SLC27A2: variants seen among roughly 807,000 people sequenced by gnomAD.
The protein encoded by SLC27A2 is long-chain fatty acid transport protein 2.
A neutral mutation model predicts 60.0 loss-of-function variants in SLC27A2; 54 were observed. The ratio of observed to expected loss-of-function variants is 0.90; its 90% CI spans 0.72 to 1.13. The LOEUF (loss-of-function observed/expected upper bound fraction) is 1.13, where lower values mean the gene tolerates loss of function less well. Ranked by LOEUF, SLC27A2 falls within the 50% of genes most tolerant of loss-of-function variation. SLC27A2 has a pLI of 0.00. For missense variants in SLC27A2, 739 were observed against 777.6 expected, an observed-to-expected ratio of 0.95 and a Z score of 0.59; for synonymous variants, 297 against 297.6, an observed-to-expected ratio of 1.00 and a Z score of 0.02.
chr15:50,210,061 G>A (rs2045142804), intron 4 of SLC27A2, among the ~76,000 whole-genome samples: 1 of 152,156 alleles, frequency 6.6e-6, no homozygotes, highest in Non-Finnish European at 1.5e-5. Context: ...GCTGAAGGTG[G>A]GATGAAGTGT....
Position 50,236,199 on chromosome 15 carries a change from G to T in SLC27A2, c.*103G>T, listed in dbSNP as rs1186070478. 17 of 1,088,932 alleles carry T rather than the reference G, an allele frequency of 1.6e-5. No individual in the cohort carries two copies. Among genetic ancestry groups the T allele is most frequent in the Non-Finnish European group, 2.1e-5 (16 of 779,648 alleles). 67.5% of individuals were successfully genotyped at this position (1,088,932 alleles called of 1,614,324 possible). On this transcript the variant is annotated 3_prime_UTR_variant, in exon 10 of 10. Transcript: ENST00000267842. ...TGATTGAAGATTGTGAGGAAATTTT[G>T]TAGGAAATTTGCATACCCGTAAAGG...
chr15:50,235,803 C>A, intron 9 of SLC27A2, 117 bp from the exon 10 acceptor site: 1 of 667,628 alleles, frequency 1.5e-6, no homozygotes, highest in Non-Finnish European at 2.5e-6. Flanking sequence ...CCAGCTCTCA[C>A]ATGAGCCAGG....
intron 4 of SLC27A2, among the ~76,000 whole-genome samples, chr15:50,216,799 T>G (rs2045200824): frequency 7.0e-6 from 1 of 143,622 alleles, no homozygotes; most frequent in South Asian, 2.2e-4. Flanking sequence ...TAAATATATA[T>G]CCACAAAATA....
At chr15:50,213,247 A>G (rs1346409444) in intron 4 of SLC27A2, among the ~76,000 whole-genome samples, 1 of 152,228 alleles carries the variant, frequency 6.6e-6, no homozygotes, top group African/African-American at 2.4e-5. Flanking sequence ...GTCCAGCAGG[A>G]AAATATCACA....
chr15:50,182,613 A>G lies in SLC27A2; in HGVS notation c.186A>G (p.Lys62=). ...ARTILRAFLE[K]ARQTPHKPFL... is the part of the protein sequence containing the mutation. ...CCATCCTGCGGGCGTTCCTGGAGAAAGCGCGCCAGACGCCACACAAGCCTT... is the reference window on the plus strand; with the variant it reads ...CCATCCTGCGGGCGTTCCTGGAGAAGGCGCGCCAGACGCCACACAAGCCTT... Residue 62 remains lysine (K), a synonymous_variant, in exon 1 of 10, where the codon AAA becomes AAG. Coordinates refer to ENST00000267842, the MANE Select transcript of SLC27A2 (RefSeq NM_003645.4). 1 of 1,613,814 alleles carries G rather than the reference A, an allele frequency of 6.2e-7. No individual in the cohort carries two copies. Among genetic ancestry groups the G allele is most frequent in the East Asian group, 2.2e-5 (1 of 44,860 alleles).
At chr15:50,212,287 G>T (rs377566205) in intron 4 of SLC27A2, among the ~76,000 whole-genome samples, 8 of 152,190 alleles carry the variant, frequency 5.3e-5, no homozygotes, top group Middle Eastern at 3.4e-3. Flanking sequence ...AAGCCTCCAA[G>T]AAGTCTAGGA....
intron 1 of SLC27A2, among the ~76,000 whole-genome samples, chr15:50,192,745 G>T (rs1265054743): frequency 7.3e-6 from 1 of 136,226 alleles, no homozygotes. Context: ...TTGTAGAGGT[G>T]TTTTGCCATG....
intron 1 of SLC27A2, among the ~76,000 whole-genome samples, chr15:50,187,472 CCATTTA>C (rs1216049298): frequency 4.6e-5 from 7 of 152,162 alleles, no homozygotes; most frequent in African/African-American, 1.4e-4. Context: ...TGTTCCATTT[CCATTTA>C]TCCTAGCATC....
chr15:50,236,260 T>C lies in SLC27A2; in HGVS notation c.*164T>C, dbSNP rs2045351882. On this transcript the variant is annotated 3_prime_UTR_variant, in exon 10 of 10. Coordinates refer to ENST00000267842, the MANE Select transcript of SLC27A2 (RefSeq NM_003645.4). ...TAAATAACAGTTGAGTCTTTGCAAG[T>C]AAAAAGATTTAGAGATTATTATTTT... 1 of 500,994 alleles carries C rather than the reference T, an allele frequency of 2.0e-6. No individual in the cohort carries two copies. Among genetic ancestry groups the C allele is most frequent in the Non-Finnish European group, 3.4e-6 (1 of 293,332 alleles). 31.0% of individuals were successfully genotyped at this position (500,994 alleles called of 1,614,324 possible).
intron 5 of SLC27A2, 86 bp downstream of exon 5, chr15:50,223,245 A>G: frequency 2.9e-6 from 3 of 1,018,278 alleles, no homozygotes; most frequent in Non-Finnish European, 2.9e-6. Flanking sequence ...TGATGTTATC[A>G]GAAGTCAGGC....
chr15:50,236,352 A>G lies in SLC27A2; in HGVS notation c.*256A>G, dbSNP rs8034633. 49,978 of 335,744 alleles carry G rather than the reference A, an allele frequency of 0.15. 4,046 individuals carry two copies. Among genetic ancestry groups the G allele is most frequent in the African/African-American group, 0.21 (9,693 of 47,244 alleles). 20.8% of individuals were successfully genotyped at this position (335,744 alleles called of 1,614,324 possible). ...TGGAGGGAAGGCATTATTTTTTAAAATACTTAGTAAATTAAATGAACACCA... is the reference window on the plus strand; with the variant it reads ...TGGAGGGAAGGCATTATTTTTTAAAGTACTTAGTAAATTAAATGAACACCA... On this transcript the variant is annotated 3_prime_UTR_variant, in exon 10 of 10. Coordinates refer to ENST00000267842, the MANE Select transcript of SLC27A2 (RefSeq NM_003645.4).
chr15:50,182,373 G>A lies in SLC27A2; in HGVS notation c.-55G>A, dbSNP rs971360483. 6 of 1,444,074 alleles carry A rather than the reference G, an allele frequency of 4.2e-6. No homozygotes were observed. Among genetic ancestry groups the A allele is most frequent in the Non-Finnish European group, 5.4e-6 (6 of 1,101,128 alleles). The allele number at this position is 1,444,074 out of a possible 1,614,324, so 89.5% of individuals were successfully genotyped here. ...CCGGAGCCCGCCCAGTCGCCGCGCT[G>A]CACGCCCGGGGTGAACCCTCTGCCC... On this transcript the variant is annotated 5_prime_UTR_variant, in exon 1 of 10. Transcript: ENST00000267842.
intron 1 of SLC27A2, among the ~76,000 whole-genome samples, chr15:50,187,492 A>T (rs1338830976): frequency 2.6e-5 from 4 of 152,174 alleles, no homozygotes; most frequent in Non-Finnish European, 5.9e-5. Flanking sequence ...TAGCATCAAG[A>T]CCATCAATAA....
chr15:50,227,288 G>C (rs1454976678), intron 7 of SLC27A2, 110 bp downstream of exon 7: 1 of 797,964 alleles, frequency 1.3e-6, no homozygotes. Flanking sequence ...CTCTATCTTT[G>C]GCACATCAGG....
intron 4 of SLC27A2, among the ~76,000 whole-genome samples, chr15:50,206,087 CAGAT>C (rs1269512180): frequency 5.3e-5 from 8 of 152,260 alleles, no homozygotes; most frequent in African/African-American, 1.9e-4. Flanking sequence ...GATCTGGTAT[CAGAT>C]AGGATTTATC....
Position 50,226,863 on chromosome 15 carries a change from G to T in SLC27A2, c.1259-117G>T. The T allele has an allele frequency of 4.1e-6, 3 of 731,822 alleles. No individual in the cohort carries two copies. The South Asian group carries it at 5.6e-5, about 14-fold the overall frequency. The allele number at this position is 731,822 out of a possible 1,614,324, so 45.3% of individuals were successfully genotyped here. ...TCACAGGTATACATGCATGGAAAATGATACTTCCTACAGCCAGCTTGTTGC... is the reference window on the plus strand; with the variant it reads ...TCACAGGTATACATGCATGGAAAATTATACTTCCTACAGCCAGCTTGTTGC... On this transcript the variant is annotated intron_variant, in intron 6 of 9. Coordinates refer to ENST00000267842, the MANE Select transcript of SLC27A2 (RefSeq NM_003645.4).
chr15:50,213,878 A>C (rs946553546), intron 4 of SLC27A2, among the ~76,000 whole-genome samples: 1 of 152,128 alleles, frequency 6.6e-6, no homozygotes, highest in African/African-American at 2.4e-5. Context: ...ACAAACAGAC[A>C]ATCTAAGGTC....
intron 1 of SLC27A2, among the ~76,000 whole-genome samples, chr15:50,183,199 C>T (rs2044883945): frequency 6.6e-6 from 1 of 152,194 alleles, no homozygotes; most frequent in South Asian, 2.1e-4. Flanking sequence ...CACTGAGGTC[C>T]TGAGAGGTGA....
At position 50,236,374 on chromosome 15, in the gene SLC27A2, A is replaced by C; in HGVS notation, c.*278A>C. 3.6e-6 allele frequency: 1 copy of C among 280,572 alleles called. No individual in the cohort carries two copies. The highest frequency in any genetic ancestry group is 6.6e-6 in the Non-Finnish European group (1 of 151,228). The allele number at this position is 280,572 out of a possible 1,614,324, so 17.4% of individuals were successfully genotyped here. On this transcript the variant is annotated 3_prime_UTR_variant, in exon 10 of 10. Transcript: ENST00000267842. ...AAAATACTTAGTAAATTAAATGAAC[A>C]CCAACATGTGAGATGGCACTGTCTC... is the stretch of plus-strand genomic sequence containing the variant.
Sources: allele counts gnomAD v4.1 joint callset (sites outside exome capture counted in the v4.1 genomes callset), GRCh38; gene constraint gnomAD v4.1.1; transcripts MANE v1.5; gene names NCBI Gene and HGNC (gene_info 2026-07-23, HGNC 2026-07-21).